AP1S3: variants seen among roughly 807,000 people sequenced by gnomAD.
The protein encoded by AP1S3 is adaptor related protein complex 1 subunit sigma 3, also known as AP-1 complex subunit sigma-3.
AP1S3 carries 10 observed loss-of-function variants against 20.9 expected under a neutral mutation model. That is an observed-to-expected ratio of 0.48 (90% CI 0.29 to 0.81). The LOEUF (loss-of-function observed/expected upper bound fraction) is 0.81. Among genes scored for constraint, AP1S3 ranks in the 30% least tolerant of loss-of-function variants. AP1S3 has a pLI of 0.08. For missense variants in AP1S3, 154 were observed against 183.8 expected, an observed-to-expected ratio of 0.84 and a Z score of 0.94; for synonymous variants, 41 against 61.5, an observed-to-expected ratio of 0.67 and a Z score of 1.56.
intron 1 of AP1S3, among the ~76,000 whole-genome samples, chr2:223,822,382 TA>T (rs958827914): frequency 7.6e-5 from 11 of 145,074 alleles, no homozygotes; most frequent in African/African-American, 1.8e-4. Context: ...GATCCTGTCT[TA>T]AAAAAAAAAA....
At chr2:223,803,968 T>C (rs970254165) in intron 1 of AP1S3, among the ~76,000 whole-genome samples, 2 of 152,022 alleles carry the variant, frequency 1.3e-5, no homozygotes, top group Non-Finnish European at 2.9e-5. Context: ...AAAGGTGAAG[T>C]GGACAGCACA....
chr2:223,776,256 G>T (rs1690782175), intron 2 of AP1S3: 1 of 568,498 alleles, frequency 1.8e-6, no homozygotes, highest in African/African-American at 1.9e-5. Flanking sequence ...ACCTTGAAGA[G>T]CTATTATCAG....
intron 1 of AP1S3, among the ~76,000 whole-genome samples, chr2:223,815,916 C>A (rs1282346754): frequency 6.6e-6 from 1 of 152,160 alleles, no homozygotes; most frequent in Non-Finnish European, 1.5e-5. Flanking sequence ...TCGAGACCAG[C>A]CTGGGCAACA....
chr2:223,759,248 C>T (rs1690295012), intron 4 of AP1S3, among the ~76,000 whole-genome samples: 4 of 151,220 alleles, frequency 2.6e-5, no homozygotes, highest in African/African-American at 9.7e-5. Context: ...CACTGCACTC[C>T]AGCCTGGGTG....
Position 223,805,168 on chromosome 2 carries a change from G to A in AP1S3, c.4-27299C>T, listed in dbSNP as rs116051336. Among the ~76,000 whole-genome samples the A allele has an allele frequency of 4.4e-3, 666 of 152,342 alleles. 6 individuals carry two copies. Among genetic ancestry groups the A allele is most frequent in the African/African-American group, 0.014 (573 of 41,560 alleles). The stretch of plus-strand genomic sequence containing the variant: ...TTTAGCATGTTATGGGCCAGATGCC[G>A]AGGCTCACGCCTCTAATCCGAGCAC... On this transcript the variant is annotated intron_variant, in intron 1 of 4. Coordinates refer to ENST00000396654, the MANE Select transcript of AP1S3 (RefSeq NM_001039569.2).
At chr2:223,820,667 A>AG (rs1291911463) in intron 1 of AP1S3, among the ~76,000 whole-genome samples, 1 of 134,514 alleles carries the variant, frequency 7.4e-6, no homozygotes, top group Non-Finnish European at 1.6e-5. Context: ...CCAAACTAGG[A>AG]GAAAAAAAAA....
chr2:223,770,312 C>G, intron 3 of AP1S3: 1 of 1,550,460 alleles, frequency 6.4e-7, no homozygotes, highest in Non-Finnish European at 8.7e-7. Flanking sequence ...TAGGAGAAAC[C>G]AGCAATTAAA....
intron 1 of AP1S3, among the ~76,000 whole-genome samples, chr2:223,833,075 T>C (rs1692314638): frequency 6.6e-6 from 1 of 152,134 alleles, no homozygotes; most frequent in Non-Finnish European, 1.5e-5. Context: ...TTTCTTTCAA[T>C]GGGTGGCTCT....
chr2:223,765,150 T>A lies in AP1S3; in HGVS notation c.429+63A>T, dbSNP rs114962273. On this transcript the variant is annotated intron_variant, in intron 4 of 4. Coordinates refer to ENST00000396654, the MANE Select transcript of AP1S3 (RefSeq NM_001039569.2). The stretch of plus-strand genomic sequence containing the variant: ...TCAGTAAGTCTGGTTAATATTATAA[T>A]TATTAACACCATCATCATCATCATC... 2.4e-3 allele frequency: 3,330 copies of A among 1,381,694 alleles called. 42 individuals are homozygous for A. The African/African-American group carries it at 0.041, about 17-fold the overall frequency. The allele number at this position is 1,381,694 out of a possible 1,614,324, so 85.6% of individuals were successfully genotyped here.
chr2:223,827,726 GAA>G (rs573357588), intron 1 of AP1S3, among the ~76,000 whole-genome samples: 1 of 146,018 alleles, frequency 6.8e-6, no homozygotes, highest in African/African-American at 2.5e-5. Context: ...TTTCTCAGAG[GAA>G]AAAAAAAAAT....
intron 3 of AP1S3, among the ~76,000 whole-genome samples, chr2:223,774,873 T>A (rs972688570): frequency 1.3e-5 from 2 of 152,166 alleles, no homozygotes; most frequent in Non-Finnish European, 2.9e-5. Flanking sequence ...CAGTGAAGAC[T>A]GTCACCAACA....
intron 1 of AP1S3, among the ~76,000 whole-genome samples, chr2:223,822,046 G>T (rs1177651744): frequency 6.6e-6 from 1 of 152,048 alleles, no homozygotes; most frequent in Non-Finnish European, 1.5e-5. Context: ...ATCCTTCCAA[G>T]CAATATGCTC....
At chr2:223,792,270 C>T (rs930875490) in intron 1 of AP1S3, among the ~76,000 whole-genome samples, 3 of 152,038 alleles carry the variant, frequency 2.0e-5, no homozygotes, top group Non-Finnish European at 4.4e-5. Context: ...TTTGAGGCTA[C>T]TATACTGCTT....
intron 1 of AP1S3, among the ~76,000 whole-genome samples, chr2:223,793,454 C>T (rs1276847763): frequency 2.0e-5 from 3 of 152,170 alleles, no homozygotes; most frequent in South Asian, 4.2e-4. Flanking sequence ...CCATTATCCT[C>T]AGCAAACGAA....
At chr2:223,827,936 A>G (rs7569821) in intron 1 of AP1S3, among the ~76,000 whole-genome samples, 73,764 of 150,364 alleles carry the variant, frequency 0.49, 18,138 homozygotes, top group Middle Eastern at 0.58. Flanking sequence ...GCAGGTGCCT[A>G]TAATCTCAGC....
chr2:223,805,933 C>T (rs888017822), intron 1 of AP1S3, among the ~76,000 whole-genome samples: 7 of 152,116 alleles, frequency 4.6e-5, no homozygotes, highest in African/African-American at 1.7e-4. Context: ...AATTGGCCAA[C>T]TGCAGAAGCA....
chr2:223,768,012 G>A (rs1690521554), intron 3 of AP1S3, among the ~76,000 whole-genome samples: 1 of 152,142 alleles, frequency 6.6e-6, no homozygotes, highest in Non-Finnish European at 1.5e-5. Context: ...GACCTTCCAG[G>A]TGGCGGTTGT....
intron 1 of AP1S3, among the ~76,000 whole-genome samples, chr2:223,779,995 T>C (rs960544878): frequency 1.3e-5 from 2 of 151,690 alleles, no homozygotes; most frequent in African/African-American, 4.8e-5. Flanking sequence ...TTCAACTCTA[T>C]TGAAAAGGCT....
intron 1 of AP1S3, among the ~76,000 whole-genome samples, chr2:223,827,586 A>G (rs1447978868): frequency 2.0e-5 from 3 of 151,928 alleles, no homozygotes; most frequent in Non-Finnish European, 1.5e-5. Context: ...GGGCTTTACC[A>G]TGTTGGCCTG....
Sources: allele counts gnomAD v4.1 joint callset (sites outside exome capture counted in the v4.1 genomes callset), GRCh38; gene constraint gnomAD v4.1.1; transcripts MANE v1.5; gene names NCBI Gene and HGNC (gene_info 2026-07-23, HGNC 2026-07-21).